FAH: variants seen among roughly 807,000 people sequenced by gnomAD.
FAH encodes the protein fumarylacetoacetase.
In FAH, 47 loss-of-function variants were observed where a neutral mutation model predicts 55.8. The observed-to-expected ratio is 0.84, with a 90% CI of 0.67 to 1.07. The LOEUF is 1.07. FAH is among the 50% of genes least tolerant of loss of function. The probability of loss-of-function intolerance (pLI) is 0.00; values close to 1 mark genes in which losing one functional copy is unlikely to be tolerated. For synonymous variants in FAH, 199 were observed against 207.7 expected (o/e 0.96, Z 0.36); for missense variants, 495 against 545.9 (o/e 0.91, Z 0.93).
chr15:80,157,614 C>T (rs1567114111), intron 1 of FAH: 1 of 273,320 alleles, frequency 3.7e-6, no homozygotes, highest in African/African-American at 2.2e-5. Flanking sequence ...TGGCCCTCAG[C>T]ACTGTGTGTT....
chr15:80,175,946 C>G (rs950641830), intron 10 of FAH, among the ~76,000 whole-genome samples: 3 of 152,218 alleles, frequency 2.0e-5, no homozygotes, highest in Non-Finnish European at 4.4e-5. Context: ...GGTGGCCACA[C>G]ACAGACCTCC....
chr15:80,185,655 G>A (rs2041364283), intron 13 of FAH, among the ~76,000 whole-genome samples: 1 of 152,206 alleles, frequency 6.6e-6, no homozygotes, highest in South Asian at 2.1e-4. Flanking sequence ...CATGGTGGCA[G>A]GCAAGAGAGA....
intron 5 of FAH, among the ~76,000 whole-genome samples, chr15:80,164,600 G>T (rs139585531): frequency 1.3e-5 from 2 of 152,000 alleles, no homozygotes; most frequent in African/African-American, 4.8e-5. Context: ...TCCATAGGCC[G>T]GTATGAGCAT....
chr15:80,168,396 A>G (rs1365237137), intron 7 of FAH, 80 bp downstream of exon 7: 2 of 1,430,682 alleles, frequency 1.4e-6, no homozygotes, highest in African/African-American at 1.4e-5. Context: ...TCCCCGCACC[A>G]TGAGCCGCCC....
intron 11 of FAH, among the ~76,000 whole-genome samples, chr15:80,178,658 A>G (rs1232100659): frequency 2.0e-5 from 3 of 149,374 alleles, no homozygotes; most frequent in Non-Finnish European, 4.4e-5. Flanking sequence ...ATCTCGGCTC[A>G]CTGCAAACTC....
At chr15:80,172,976 C>A in intron 8 of FAH, 38 bp from the exon 9 acceptor site, 1 of 1,614,170 alleles carries the variant, frequency 6.2e-7, no homozygotes. Flanking sequence ...ATGCCCTGAT[C>A]AGCCTTTGTA....
intron 5 of FAH, among the ~76,000 whole-genome samples, chr15:80,164,301 A>G (rs752665597): frequency 6.6e-6 from 1 of 151,942 alleles, no homozygotes; most frequent in Non-Finnish European, 1.5e-5. Flanking sequence ...TATCACTCCA[A>G]CCACTTGCTT....
intron 13 of FAH, among the ~76,000 whole-genome samples, chr15:80,185,140 A>G (rs1473017643): frequency 6.6e-6 from 1 of 152,176 alleles, no homozygotes; most frequent in African/African-American, 2.4e-5. Flanking sequence ...CAACCTTGAG[A>G]GATAAGCGTT....
chr15:80,186,283 G>A lies in FAH; in HGVS notation c.*74G>A. ...CCCTGTGACTGGGGTCCTCCCTCGG[G>A]CTGTAGGCCTGGTCCGCCATTCAGT... is the stretch of plus-strand genomic sequence containing the variant. On this transcript the variant is annotated 3_prime_UTR_variant, in exon 14 of 14. Coordinates refer to ENST00000561421, the MANE Select transcript of FAH (RefSeq NM_000137.4). 1 of 1,232,704 alleles carries A rather than the reference G, an allele frequency of 8.1e-7. No homozygotes were observed. Among genetic ancestry groups the A allele is most frequent in the South Asian group, 1.2e-5 (1 of 83,252 alleles). 76.4% of individuals were successfully genotyped at this position (1,232,704 alleles called of 1,614,324 possible).
chr15:80,178,354 TC>T (rs2041300955), intron 11 of FAH, among the ~76,000 whole-genome samples: 1 of 152,104 alleles, frequency 6.6e-6, no homozygotes, highest in Non-Finnish European at 1.5e-5. Flanking sequence ...ACTTCATCAC[TC>T]CCTCCAGCAA....
chr15:80,173,456 A>G (rs1010904748), intron 9 of FAH: 9 of 472,880 alleles, frequency 1.9e-5, no homozygotes, highest in Admixed American at 1.7e-4. Flanking sequence ...AGGTACCAAC[A>G]TTGCACAACC....
At position 80,153,147 on chromosome 15, in the gene FAH, G is replaced by A. The variant is rs200319726; in HGVS notation, c.81+12G>A. On this transcript the variant is annotated intron_variant, in intron 1 of 13. Coordinates refer to ENST00000561421, the MANE Select transcript of FAH (RefSeq NM_000137.4). The stretch of plus-strand genomic sequence containing the variant: ...CGACCAGAGGCGACGTGAGCAGTGG[G>A]GCTTTGGCGTCCGGGCGCGGGGAGG... 829 of 1,607,498 alleles carry A rather than the reference G, an allele frequency of 5.2e-4. No individual in the cohort carries two copies. The highest frequency in any genetic ancestry group is 4.5e-4 in the Non-Finnish European group (526 of 1,178,176).
At chr15:80,163,739 C>T (rs192549699) in intron 5 of FAH, 24 of 152,320 alleles carry the variant, frequency 1.6e-4, no homozygotes, top group African/African-American at 4.6e-4. Context: ...TGTGTCTACT[C>T]TTTGACCTGC....
intron 5 of FAH, chr15:80,166,355 C>T (rs899787677): frequency 6.6e-6 from 1 of 152,208 alleles, no homozygotes; most frequent in African/African-American, 2.4e-5. Flanking sequence ...AACTCCTGGA[C>T]TCAAGTGATC....
At chr15:80,177,670 C>T (rs976486153) in intron 11 of FAH, 87 bp downstream of exon 11, 2 of 1,271,636 alleles carry the variant, frequency 1.6e-6, no homozygotes, top group African/African-American at 2.9e-5. Flanking sequence ...GAGAGCATTC[C>T]TTTTGGGATA....
intron 4 of FAH, among the ~76,000 whole-genome samples, chr15:80,161,231 C>A (rs1286391370): frequency 6.6e-6 from 1 of 151,662 alleles, no homozygotes; most frequent in African/African-American, 2.4e-5. Flanking sequence ...ATATGTCTTT[C>A]AGGGATATCA....
chr15:80,162,537 G>C (rs2041158246), intron 5 of FAH: 1 of 635,736 alleles, frequency 1.6e-6, no homozygotes, highest in Non-Finnish European at 2.8e-6. Context: ...TGGGATCGAA[G>C]GGCAAGTCCC....
At chr15:80,169,135 C>A (rs1348168869) in intron 7 of FAH, among the ~76,000 whole-genome samples, 1 of 152,162 alleles carries the variant, frequency 6.6e-6, no homozygotes, top group Non-Finnish European at 1.5e-5. Context: ...GTAATCCCAG[C>A]ACTTTGGGAG....
chr15:80,160,906 G>A (rs2041143310), intron 4 of FAH, among the ~76,000 whole-genome samples: 1 of 152,204 alleles, frequency 6.6e-6, no homozygotes, highest in African/African-American at 2.4e-5. Flanking sequence ...CTGAAGCAGA[G>A]AGAGAGGCTG....
Sources: gnomAD v4.1 joint callset for allele counts (sites outside exome capture counted in the v4.1 genomes callset) on GRCh38, gnomAD v4.1.1 for gene constraint, MANE v1.5 for transcripts, NCBI Gene and HGNC (gene_info 2026-07-23, HGNC 2026-07-21) for gene names.